The following CNTN3 variants were observed in gnomAD, a reference collection of about 807,000 sequenced individuals.
CNTN3 encodes contactin 3.
In CNTN3, 60 loss-of-function variants were observed where a neutral mutation model predicts 119.1. That is an observed-to-expected ratio of 0.50 (90% CI 0.41 to 0.62). The LOEUF is 0.62. CNTN3 is among the 20% of genes least tolerant of loss of function. The pLI is 0.00. For missense variants in CNTN3, 1,101 were observed against 1,242.4 expected (o/e 0.89, Z 1.71); for synonymous variants, 450 against 438.7 (o/e 1.03, Z -0.32).
intron 1 of CNTN3, among the ~76,000 whole-genome samples, chr3:74,531,187 C>A (rs532444316): frequency 8.4e-4 from 127 of 152,012 alleles, no homozygotes; most frequent in Middle Eastern, 3.4e-3. Flanking sequence ...CAAGTTTTAC[C>A]TTTTAACTAT....
rs935947064 is a variant in CNTN3 at position 74,559,623 on chromosome 3, A to G, written c.-80-38431T>C. Among the ~76,000 whole-genome samples the G allele has an allele frequency of 4.6e-5, 7 of 152,324 alleles. No individual in the cohort carries two copies. In the East Asian group the frequency reaches 7.7e-4, roughly 17 times the overall value. ...CTTGGACCAAAAAAGAAAAGAAAAA[A>G]AAAAAGCAGTACTGAGCACAGTTTT... On this transcript the variant is annotated intron_variant, in intron 1 of 22. Coordinates refer to ENST00000263665, the MANE Select transcript of CNTN3 (RefSeq NM_020872.3).
rs562397444 is a variant in CNTN3, at chr3:74,266,210, TA to T, written c.2986+270del. Reference sequence around the variant, plus strand: ...TAGGAGATCCAAAGGCAAATTTAAGTAAAACTCAGAATAAGGAAAAAAAATC... The same window carrying T: ...TAGGAGATCCAAAGGCAAATTTAAGTAAACTCAGAATAAGGAAAAAAAATC... On this transcript the variant is annotated intron_variant, in intron 22 of 22. Transcript: ENST00000263665. Among the ~76,000 whole-genome samples, 20 of 152,248 alleles carry T rather than the reference TA, an allele frequency of 1.3e-4. No homozygotes were observed. The South Asian group carries it at 3.9e-3, about 30-fold the overall frequency.
chr3:74,470,930 G>T (rs1702549630), intron 4 of CNTN3, among the ~76,000 whole-genome samples: 1 of 152,120 alleles, frequency 6.6e-6, no homozygotes, highest in African/African-American at 2.4e-5. Flanking sequence ...AAGCTAGAGT[G>T]CAGTGGTGTG....
At chr3:74,537,430 T>C (rs1375035552) in intron 1 of CNTN3, among the ~76,000 whole-genome samples, 1 of 152,144 alleles carries the variant, frequency 6.6e-6, no homozygotes. Flanking sequence ...ATTTGTATTT[T>C]TAAAAAACTT....
At chr3:74,454,728 A>C (rs1461504052) in intron 4 of CNTN3, among the ~76,000 whole-genome samples, 1 of 151,846 alleles carries the variant, frequency 6.6e-6, no homozygotes, top group African/African-American at 2.4e-5. Flanking sequence ...ATCTCTCAGC[A>C]TTTGCTTGTC....
intron 4 of CNTN3, among the ~76,000 whole-genome samples, chr3:74,432,556 A>G (rs1371629448): frequency 6.6e-6 from 1 of 152,218 alleles, no homozygotes; most frequent in East Asian, 1.9e-4. Context: ...AGTTTCAAGT[A>G]GTTGATAAAT....
At chr3:74,467,807 G>C (rs1702492019) in intron 4 of CNTN3, among the ~76,000 whole-genome samples, 1 of 152,042 alleles carries the variant, frequency 6.6e-6, no homozygotes, top group Non-Finnish European at 1.5e-5. Context: ...CTTTAGAAGT[G>C]ACAGAAAAAA....
chr3:74,587,091 G>A (rs1259539206), intron 1 of CNTN3, among the ~76,000 whole-genome samples: 1 of 151,928 alleles, frequency 6.6e-6, no homozygotes, highest in Non-Finnish European at 1.5e-5. Context: ...TTATTACTTG[G>A]TATGTATAGG....
At chr3:74,421,739 A>G (rs983114611) in intron 5 of CNTN3, among the ~76,000 whole-genome samples, 1 of 152,198 alleles carries the variant, frequency 6.6e-6, no homozygotes, top group Admixed American at 6.5e-5. Flanking sequence ...CAAATGGACC[A>G]CAGTGCAGGC....
intron 1 of CNTN3, among the ~76,000 whole-genome samples, chr3:74,574,999 C>T (rs547402337): frequency 2.2e-3 from 338 of 151,572 alleles, no homozygotes; most frequent in Middle Eastern, 3.4e-3. Flanking sequence ...TTATGGCTCA[C>T]TGTAGCCTGG....
At chr3:74,439,291 G>A (rs1029168633) in intron 4 of CNTN3, among the ~76,000 whole-genome samples, 6 of 152,118 alleles carry the variant, frequency 3.9e-5, no homozygotes, top group African/African-American at 1.4e-4. Context: ...CAGATCACTT[G>A]AGGCCAGGAG....
chr3:74,334,941 G>A, intron 12 of CNTN3, 31 bp from the exon 13 acceptor site: 1 of 1,564,692 alleles, frequency 6.4e-7, no homozygotes, highest in Non-Finnish European at 8.8e-7. Flanking sequence ...CAGAAAAACA[G>A]CATTTTATTG....
In CNTN3 at chr3:74,318,865, C is replaced by T. The variant is rs568847335; in HGVS notation, c.1668+15870G>A. Among the ~76,000 whole-genome samples the T allele has an allele frequency of 2.6e-5, 4 of 152,116 alleles. No homozygotes were observed. The South Asian group carries it at 8.3e-4, about 32-fold the overall frequency. ...ATTTCCAGCTGCATGCTGGGAGAACCACTAGTCTCTTCAAAGCTGTCAGAC... is the reference window on the plus strand; with the variant it reads ...ATTTCCAGCTGCATGCTGGGAGAACTACTAGTCTCTTCAAAGCTGTCAGAC... On this transcript the variant is annotated intron_variant, in intron 13 of 22. Coordinates refer to ENST00000263665, the MANE Select transcript of CNTN3 (RefSeq NM_020872.3).
At chr3:74,355,099 G>A (rs765907777) in intron 11 of CNTN3, among the ~76,000 whole-genome samples, 2 of 151,990 alleles carry the variant, frequency 1.3e-5, no homozygotes, top group South Asian at 4.1e-4. Flanking sequence ...TTTTCAGTAG[G>A]TACTTCAAAC....
intron 19 of CNTN3, 127 bp downstream of exon 19, chr3:74,294,994 T>C (rs556817440): frequency 3.2e-5 from 17 of 530,590 alleles, no homozygotes; most frequent in African/African-American, 1.3e-4. Context: ...GATGAAACAA[T>C]GTGTTGATAA....
chr3:74,598,771 A>G (rs1704854666), intron 1 of CNTN3, among the ~76,000 whole-genome samples: 1 of 152,086 alleles, frequency 6.6e-6, no homozygotes, highest in Non-Finnish European at 1.5e-5. Context: ...GAGCTTAAAT[A>G]TGATTAGTTA....
chr3:74,521,049 T>C lies in CNTN3; in HGVS notation c.55+9A>G. ...ACCTCAACTTAGAAAATATAGGATT[T>C]TTTTTTACCTCCTAAGCAGCCAATG... is the stretch of plus-strand genomic sequence containing the variant. On this transcript the variant is annotated intron_variant, in intron 2 of 22. Transcript: ENST00000263665. The C allele has an allele frequency of 6.4e-7, 1 of 1,572,910 alleles. No individual in the cohort carries two copies. Among genetic ancestry groups the C allele is most frequent in the South Asian group, 1.1e-5 (1 of 87,234 alleles).
chr3:74,542,388 C>T (rs1294395920), intron 1 of CNTN3, among the ~76,000 whole-genome samples: 1 of 151,994 alleles, frequency 6.6e-6, no homozygotes, highest in Non-Finnish European at 1.5e-5. Flanking sequence ...CTAGAAGCAA[C>T]CTGCATAATT....
At chr3:74,611,578 C>T (rs1295895375) in intron 1 of CNTN3, among the ~76,000 whole-genome samples, 2 of 152,060 alleles carry the variant, frequency 1.3e-5, no homozygotes, top group Non-Finnish European at 2.9e-5. Flanking sequence ...GATCTGTCAC[C>T]CCTCAATTTC....
Sources: allele counts gnomAD v4.1 joint callset (sites outside exome capture counted in the v4.1 genomes callset), GRCh38; gene constraint gnomAD v4.1.1; transcripts MANE v1.5; gene names NCBI Gene and HGNC (gene_info 2026-07-23, HGNC 2026-07-21).